Variants in ATP2B3 observed in about 807,000 individuals in gnomAD.
ATP2B3 encodes ATPase plasma membrane Ca2+ transporting 3.
Under a neutral mutation model 70.8 loss-of-function variants are expected in ATP2B3, and 12 were observed. The observed-to-expected ratio is 0.17, with a 90% CI of 0.11 to 0.27. The LOEUF (loss-of-function observed/expected upper bound fraction) is 0.27. Ranked by LOEUF, ATP2B3 falls within the 10% of genes least tolerant of loss-of-function variation. The pLI is 1.00. For missense variants in ATP2B3, 858 were observed against 1,118.5 expected (o/e 0.77, Z 3.32); for synonymous variants, 460 against 497.8 (o/e 0.92, Z 1.01).
At position 153,527,405 on chromosome X, in the gene ATP2B3, G is replaced by A. The variant is rs1237390016; in HGVS notation, c.-126-8717G>A. Among the ~76,000 whole-genome samples, 4 of 113,390 alleles carry A rather than the reference G, an allele frequency of 3.5e-5. No individual in the cohort carries two copies. The East Asian group carries it at 8.4e-4, about 24-fold the overall frequency. ...GCAGGCCCGGGCTGGCAGGAGGGGCGTGGGGAGCACGTAGGGGCAGGGTAG... is the reference window on the plus strand; with the variant it reads ...GCAGGCCCGGGCTGGCAGGAGGGGCATGGGGAGCACGTAGGGGCAGGGTAG... On this transcript the variant is annotated intron_variant, in intron 2 of 21. Transcript: ENST00000263519.
intron 19 of ATP2B3, 30 bp from the exon 20 acceptor site, chrX:153,562,105 A>G: frequency 1.7e-6 from 2 of 1,187,678 alleles, no homozygotes; most frequent in Non-Finnish European, 2.3e-6. Context: ...CCGCGGCTGG[A>G]CCTGCCTCTC....
At chrX:153,558,905 T>C (rs1397579828) in intron 17 of ATP2B3, among the ~76,000 whole-genome samples, 5 of 111,557 alleles carry the variant, frequency 4.5e-5, no homozygotes, top group Non-Finnish European at 9.4e-5. Flanking sequence ...GCGTGGGCTA[T>C]GCGTCCCATG....
chrX:153,534,937 C>T (rs962849196), intron 2 of ATP2B3, among the ~76,000 whole-genome samples: 2 of 112,843 alleles, frequency 1.8e-5, no homozygotes, highest in African/African-American at 3.2e-5. Context: ...CTGGGCCACT[C>T]GTTTCCAACG....
intron 20 of ATP2B3, among the ~76,000 whole-genome samples, chrX:153,563,640 C>T (rs1160473898): frequency 9.0e-6 from 1 of 111,657 alleles, no homozygotes; most frequent in Admixed American, 9.5e-5. Context: ...CCATGGAGTC[C>T]CTTCACTTCC....
chrX:153,542,063 T>TGGG, intron 5 of ATP2B3, 137 bp downstream of exon 5: 1 of 102,803 alleles, frequency 9.7e-6, no homozygotes, highest in Non-Finnish European at 1.4e-5. Flanking sequence ...AGGCGGGAGG[T>TGGG]GGCGGGGGTG....
At chrX:153,524,481 A>C (rs1396919041) in intron 2 of ATP2B3, among the ~76,000 whole-genome samples, 2 of 111,822 alleles carry the variant, frequency 1.8e-5, no homozygotes, top group African/African-American at 6.5e-5. Flanking sequence ...TCACAAGAAC[A>C]CTGGGCTGCC....
At chrX:153,545,988 G>T in intron 7 of ATP2B3, 100 bp from the exon 8 acceptor site, 2 of 953,080 alleles carry the variant, frequency 2.1e-6, no homozygotes, top group East Asian at 6.4e-5. Context: ...CATGAAGAAG[G>T]CCACCAGCAA....
chrX:153,523,883 C>T (rs1250169121), intron 2 of ATP2B3, among the ~76,000 whole-genome samples: 4 of 109,158 alleles, frequency 3.7e-5, no homozygotes, highest in Non-Finnish European at 1.9e-5. Flanking sequence ...TTTAATAGAC[C>T]CGGGGTTTTA....
intron 16 of ATP2B3, among the ~76,000 whole-genome samples, chrX:153,557,584 T>C (rs2090557586): frequency 8.9e-6 from 1 of 111,815 alleles, no homozygotes; most frequent in Admixed American, 9.4e-5. Context: ...AGAAGGGAGC[T>C]CCAGCCCAAG....
At chrX:153,553,341 G>A in intron 13 of ATP2B3, 72 bp downstream of exon 13, 2 of 982,502 alleles carry the variant, frequency 2.0e-6, no homozygotes, top group South Asian at 2.2e-5. Context: ...GACTGGTAGG[G>A]GCGGCCTTCC....
intron 12 of ATP2B3, among the ~76,000 whole-genome samples, chrX:153,551,978 C>T (rs781808102): frequency 1.8e-5 from 2 of 112,633 alleles, no homozygotes. Context: ...TTCCTGTGTT[C>T]TGCGGACTGG....
intron 2 of ATP2B3, among the ~76,000 whole-genome samples, chrX:153,534,489 C>A (rs781917035): frequency 1.6e-4 from 18 of 112,581 alleles, no homozygotes; most frequent in African/African-American, 5.2e-4. Context: ...CCTTGCCTCA[C>A]CTTTGCCCCA....
chrX:153,554,795 G>A, intron 13 of ATP2B3, among the ~76,000 whole-genome samples: 1 of 112,745 alleles, frequency 8.9e-6, no homozygotes, highest in South Asian at 3.6e-4. Flanking sequence ...CACCTGGCTG[G>A]CTGCTGTGCT....
chrX:153,576,376 C>T (rs1265171441), intron 21 of ATP2B3, among the ~76,000 whole-genome samples: 1 of 111,626 alleles, frequency 9.0e-6, no homozygotes, highest in African/African-American at 3.3e-5. Flanking sequence ...CCACAGGACA[C>T]GTGGATGTCT....
At chrX:153,541,330 C>T in intron 3 of ATP2B3, 29 bp from the exon 4 acceptor site, 2 of 1,210,587 alleles carry the variant, frequency 1.7e-6, no homozygotes, top group Non-Finnish European at 1.1e-6. Context: ...TCCCATCCTC[C>T]CCTTCTGTGC....
chrX:153,517,780 C>G lies in ATP2B3; in HGVS notation c.-342C>G, dbSNP rs1252301700. The G allele has an allele frequency of 1.8e-5, 2 of 110,281 alleles. No homozygotes were observed. Among genetic ancestry groups the G allele is most frequent in the Non-Finnish European group, 3.8e-5 (2 of 52,262 alleles). 9.1% of individuals were successfully genotyped at this position (110,281 alleles called of 1,213,427 possible). ...CAGGCCGCCCCGTGCCCAGGCCTTT[C>G]CATCCTTGGAGCGGATCGTTGCCCG... On this transcript the variant is annotated 5_prime_UTR_variant, in exon 1 of 22. Coordinates refer to ENST00000263519, the MANE Select transcript of ATP2B3 (RefSeq NM_001001344.3).
At chrX:153,572,384 C>G (rs1322743472) in intron 21 of ATP2B3, among the ~76,000 whole-genome samples, 1 of 112,868 alleles carries the variant, frequency 8.9e-6, no homozygotes, top group East Asian at 2.8e-4. Context: ...GAGCTGCCTC[C>G]GTCCCAAGCC....
Position 153,563,849 on chromosome X carries a change from A to G in ATP2B3, c.3160-1072A>G, listed in dbSNP as rs1430035554. 2.7e-5 allele frequency among the ~76,000 whole-genome samples: 3 copies of G among 112,798 alleles called. No individual in the cohort carries two copies. In the East Asian group the frequency reaches 8.4e-4, roughly 31 times the overall value. On this transcript the variant is annotated intron_variant, in intron 20 of 21. Transcript: ENST00000263519. ...ATAAAACATGTTCAAGAGAAAAACG[A>G]AAAGAAGGGAATCTCTGTGAACCAG...
intron 12 of ATP2B3, among the ~76,000 whole-genome samples, chrX:153,550,701 A>G (rs1164149640): frequency 9.0e-6 from 1 of 111,072 alleles, no homozygotes; most frequent in Non-Finnish European, 1.9e-5. Context: ...CCCTCAAGCC[A>G]TCCTCCTACG....
Sources: allele counts gnomAD v4.1 joint callset (sites outside exome capture counted in the v4.1 genomes callset), GRCh38; gene constraint gnomAD v4.1.1; transcripts MANE v1.5; gene names NCBI Gene and HGNC (gene_info 2026-07-23, HGNC 2026-07-21).